Variants in RPS6KB2 observed in about 807,000 individuals in gnomAD.
RPS6KB2 encodes ribosomal protein S6 kinase beta-2.
RPS6KB2 carries 51 observed loss-of-function variants against 58.2 expected under a neutral mutation model. The observed-to-expected ratio is 0.88, with a 90% CI of 0.70 to 1.11. The LOEUF is 1.11. Among genes scored for constraint, RPS6KB2 ranks in the 50% least tolerant of loss-of-function variants. The pLI, the probability that RPS6KB2 is intolerant of heterozygous loss-of-function variation, is 0.00. For missense variants in RPS6KB2, 671 were observed against 655.8 expected (o/e 1.02, Z -0.25); for synonymous variants, 293 against 258.6 (o/e 1.13, Z -1.28).
intron 4 of RPS6KB2, chr11:67,430,421 C>T (rs1863983896): frequency 6.6e-6 from 1 of 151,500 alleles, no homozygotes; most frequent in Non-Finnish European, 1.5e-5. Flanking sequence ...TCCTGAGTAG[C>T]TGGGATTACA....
chr11:67,429,072 A>G (rs200927741), intron 2 of RPS6KB2, 48 bp from the exon 3 acceptor site: 16 of 1,581,268 alleles, frequency 1.0e-5, no homozygotes, highest in Non-Finnish European at 1.3e-5. Context: ...GGGAAGGGGA[A>G]CTGGGGAGCA....
intron 4 of RPS6KB2, 107 bp from the exon 5 acceptor site, chr11:67,431,261 C>T: frequency 1.8e-6 from 2 of 1,081,966 alleles, no homozygotes; most frequent in African/African-American, 1.6e-5. Context: ...AATTCCTGAC[C>T]TCAGGTAATC....
rs748711473 is a variant in RPS6KB2 at position 67,435,139 on chromosome 11, C to G, written c.1419C>G (p.Ser473=). 6.3e-7 allele frequency: 1 copy of G among 1,596,926 alleles called. No homozygotes were observed. The highest frequency in any genetic ancestry group is 1.7e-5 in the Admixed American group (1 of 58,696). The change falls in exon 15 of 15, where the codon TCC becomes TCG. Residue 473 remains serine, a synonymous_variant. Coordinates refer to ENST00000312629, the MANE Select transcript of RPS6KB2 (RefSeq NM_003952.3). ...GTCCCCCCTCAGGGACCAAGAAGTC[C>G]AAGAGGGGCCGTGGGCGTCCAGGGC... ...PIRPPSGTKK[S]KRGRGRPGR
At position 67,429,241 on chromosome 11, in the gene RPS6KB2, G is replaced by C. The variant is rs201078105; in HGVS notation, c.240+1G>C. The C allele has an allele frequency of 4.1e-4, 661 of 1,612,630 alleles. 2 individuals are homozygous for C. Among genetic ancestry groups the C allele is most frequent in the Non-Finnish European group, 5.3e-4 (624 of 1,179,974 alleles). On this transcript the variant is annotated splice_donor_variant, in intron 3 of 14. Coordinates refer to ENST00000312629, the MANE Select transcript of RPS6KB2 (RefSeq NM_003952.3). LOFTEE classifies it high-confidence loss of function. ...GCTGGGCAAGGGGGGCTATGGCAAG[G>C]TAGGGGCGGGCGCACCCTCCTCCTG...
At position 67,428,585 on chromosome 11, in the gene RPS6KB2, G is replaced by A. The variant is rs1334740541; in HGVS notation, c.40G>A (p.Gly14Ser). Residue 14 changes from glycine (G) to serine (S), a missense_variant, in exon 1 of 15, where the codon GGC becomes AGC. Gly to Ser is a moderately conservative substitution (Grantham distance 56). Coordinates refer to ENST00000312629, the MANE Select transcript of RPS6KB2 (RefSeq NM_003952.3). The part of the protein sequence containing the change: ...VFDLDLETEE[G>S]SEGEGEPELS... Reference sequence around the variant, plus strand: ...TGATTTGGATTTGGAGACGGAGGAAGGCAGCGAGGGCGAGGGCGAGCCAGA... The same window carrying A: ...TGATTTGGATTTGGAGACGGAGGAAAGCAGCGAGGGCGAGGGCGAGCCAGA... 1 of 1,611,246 alleles carries A rather than the reference G, an allele frequency of 6.2e-7. No individual in the cohort carries two copies.
At chr11:67,433,695 AC>A in intron 10 of RPS6KB2, among the ~76,000 whole-genome samples, 1 of 152,328 alleles carries the variant, frequency 6.6e-6, no homozygotes, top group South Asian at 2.1e-4. Context: ...AGCTGGCCAC[AC>A]TTCCGTCAAA....
intron 4 of RPS6KB2, chr11:67,429,822 A>T (rs531418234): frequency 8.5e-6 from 4 of 471,238 alleles, no homozygotes; most frequent in South Asian, 2.7e-5. Flanking sequence ...ATTTTATTTT[A>T]TTTTTTTTTA....
intron 4 of RPS6KB2, 69 bp from the exon 5 acceptor site, chr11:67,431,299 G>T (rs1590972343): frequency 6.6e-6 from 10 of 1,511,432 alleles, no homozygotes; most frequent in Non-Finnish European, 9.1e-6. Context: ...TAGAGTGCTG[G>T]GATTACAGGT....
rs761854122 is a variant in RPS6KB2, at chr11:67,428,981, G to A, written c.79-1G>A. On this transcript the variant is annotated splice_acceptor_variant, in intron 1 of 14. Transcript: ENST00000312629. LOFTEE classifies it high-confidence loss of function. Reference sequence around the variant, plus strand: ...GGCTCTTACCCCTCGGTTTCTCACAGGACGCATGTCCCCTTGCCGAGTTGA... The same window carrying A: ...GGCTCTTACCCCTCGGTTTCTCACAAGACGCATGTCCCCTTGCCGAGTTGA... The A allele has an allele frequency of 2.5e-6, 4 of 1,614,084 alleles. No homozygotes were observed. The South Asian group carries it at 4.4e-5, about 18-fold the overall frequency.
At chr11:67,429,635 C>T (rs769862662) in intron 4 of RPS6KB2, 40 bp downstream of exon 4, 11 of 1,461,506 alleles carry the variant, frequency 7.5e-6, no homozygotes, top group Non-Finnish European at 9.5e-6. Context: ...GTGTGGCTGC[C>T]ATTCCCAACA....
intron 11 of RPS6KB2, 67 bp downstream of exon 11, chr11:67,434,124 C>A: frequency 6.2e-7 from 1 of 1,612,526 alleles, no homozygotes; most frequent in African/African-American, 1.3e-5. Context: ...GGGGCAGGGC[C>A]CCAGGGCAGA....
At position 67,432,120 on chromosome 11, in the gene RPS6KB2, T is replaced by A. The variant is rs114168251; in HGVS notation, c.458-480T>A. On this transcript the variant is annotated intron_variant, in intron 5 of 14. Coordinates refer to ENST00000312629, the MANE Select transcript of RPS6KB2 (RefSeq NM_003952.3). ...GCTGTGAGCAGTCTTGACCTGCCTT[T>A]CCCTCGTTTGGGCCAGATGAACCCT... 3,070 of 362,158 alleles carry A rather than the reference T, an allele frequency of 8.5e-3. 82 individuals carry two copies. The highest frequency in any genetic ancestry group is 0.061 in the African/African-American group (2,850 of 47,066). 22.4% of individuals were successfully genotyped at this position (362,158 alleles called of 1,614,324 possible).
At chr11:67,433,247 C>G (rs1565147429) in intron 9 of RPS6KB2, 31 bp downstream of exon 9, 1 of 1,606,218 alleles carries the variant, frequency 6.2e-7, no homozygotes. Context: ...GGAGGAGGGG[C>G]AGGGGCAGAG....
Position 67,432,832 on chromosome 11 carries a change from GC to G in RPS6KB2, c.613del (p.Gln205ArgfsTer6), listed in dbSNP as rs766511491. 3.4e-5 allele frequency: 55 copies of G among 1,613,588 alleles called. No homozygotes were observed. The highest frequency in any genetic ancestry group is 4.4e-5 in the Non-Finnish European group (52 of 1,179,858). ...AAGCCCGAGAACATCATGCTCAGCA[GC>G]CAGGGTGCGCATGTGTGTGCGGGCA... is the stretch of plus-strand genomic sequence containing the variant. ...DLKPENIMLS[S>X]QGHIKLTDFG... is the part of the protein sequence containing the mutation. On this transcript the variant is annotated frameshift_variant, in exon 7 of 15. Coordinates refer to ENST00000312629, the MANE Select transcript of RPS6KB2 (RefSeq NM_003952.3). LOFTEE classifies it high-confidence loss of function.
Position 67,434,279 on chromosome 11 carries a change from A to C in RPS6KB2, c.1047+4A>C, listed in dbSNP as rs1165140991. On this transcript the variant is annotated splice_donor_region_variant and intron_variant, in intron 12 of 14. Transcript: ENST00000312629. ...CCCCCCTTTCAGGCCCTGTCTGGTGAGCAGCAGGGCTGGTGGCCAGTGGCC... is the reference window on the plus strand; with the variant it reads ...CCCCCCTTTCAGGCCCTGTCTGGTGCGCAGCAGGGCTGGTGGCCAGTGGCC... The C allele has an allele frequency of 1.2e-6, 2 of 1,613,064 alleles. No homozygotes were observed. Among genetic ancestry groups the C allele is most frequent in the African/African-American group, 2.7e-5 (2 of 74,922 alleles).
At chr11:67,433,270 C>G in intron 9 of RPS6KB2, 54 bp downstream of exon 9, 1 of 1,604,970 alleles carries the variant, frequency 6.2e-7, no homozygotes, top group Non-Finnish European at 8.5e-7. Flanking sequence ...GGGAGTAGCC[C>G]CCCTCCTGGG....
At chr11:67,430,740 C>T (rs570284868) in intron 4 of RPS6KB2, 5 of 152,192 alleles carry the variant, frequency 3.3e-5, no homozygotes, top group Non-Finnish European at 7.3e-5. Context: ...GGCATGGACA[C>T]ATTTTTGATT....
At chr11:67,434,737 G>A (rs2135130589) in intron 14 of RPS6KB2, 43 bp downstream of exon 14, 1 of 1,469,178 alleles carries the variant, frequency 6.8e-7, no homozygotes, top group Middle Eastern at 2.3e-4. Flanking sequence ...TAGGGACGCT[G>A]GCAGGCAGGA....
chr11:67,428,711 C>A, intron 1 of RPS6KB2, 88 bp downstream of exon 1: 2 of 1,282,842 alleles, frequency 1.6e-6, no homozygotes, highest in Non-Finnish European at 2.2e-6. Flanking sequence ...ACGCCCAGAG[C>A]GGGCTCCGAC....
Sources: allele counts gnomAD v4.1 joint callset (sites outside exome capture counted in the v4.1 genomes callset), GRCh38; gene constraint gnomAD v4.1.1; transcripts MANE v1.5; gene names NCBI Gene and HGNC (gene_info 2026-07-23, HGNC 2026-07-21).